Variants in RAPGEF2 observed in about 807,000 individuals in gnomAD.
RAPGEF2 encodes the protein Rap guanine nucleotide exchange factor 2.
A neutral mutation model predicts 186.7 loss-of-function variants in RAPGEF2; 54 were observed. The ratio of observed to expected loss-of-function variants is 0.29; its 90% CI spans 0.23 to 0.36. RAPGEF2 has a LOEUF of 0.36. Ranked by LOEUF, RAPGEF2 falls within the 10% of genes least tolerant of loss-of-function variation. The probability of loss-of-function intolerance (pLI) is 1.00; values close to 1 mark genes in which losing one functional copy is unlikely to be tolerated. For synonymous variants in RAPGEF2, 712 were observed against 705.9 expected, an observed-to-expected ratio of 1.01 and a Z score of -0.14; for missense variants, 1,532 against 2,045.0, an observed-to-expected ratio of 0.75 and a Z score of 4.84.
intron 7 of RAPGEF2, among the ~76,000 whole-genome samples, chr4:159,297,246 C>T (rs1762135837): frequency 6.6e-6 from 1 of 152,144 alleles, no homozygotes; most frequent in African/African-American, 2.4e-5. Flanking sequence ...TTCCCCCAAC[C>T]CCCAAAAAAA....
chr4:159,348,568 G>A (rs76132174), intron 25 of RAPGEF2, among the ~76,000 whole-genome samples: 4,301 of 152,188 alleles, frequency 0.028, 88 homozygotes, highest in Non-Finnish European at 0.046. Flanking sequence ...ATTGAATTAT[G>A]TGTTTCTTTA....
intron 1 of RAPGEF2, among the ~76,000 whole-genome samples, chr4:159,123,270 C>T (rs1199472875): frequency 1.3e-5 from 2 of 152,200 alleles, no homozygotes; most frequent in African/African-American, 4.8e-5. Flanking sequence ...ATTAAATTTA[C>T]TCACTGAGTG....
At chr4:159,351,147 C>G in intron 26 of RAPGEF2, 2 of 1,535,466 alleles carry the variant, frequency 1.3e-6, no homozygotes, top group South Asian at 1.2e-5. Flanking sequence ...AGAACAGTAA[C>G]AAGAATAACA....
chr4:159,171,153 G>C (rs28491960), intron 1 of RAPGEF2, among the ~76,000 whole-genome samples: 1 of 152,108 alleles, frequency 6.6e-6, no homozygotes, highest in Non-Finnish European at 1.5e-5. Flanking sequence ...CTAAAATGCT[G>C]TTTTGAGTAT....
intron 3 of RAPGEF2, among the ~76,000 whole-genome samples, chr4:159,201,424 G>A (rs1158791035): frequency 6.6e-6 from 1 of 152,172 alleles, no homozygotes; most frequent in Non-Finnish European, 1.5e-5. Flanking sequence ...GTTGAAAGAG[G>A]TTTGGACGCC....
At chr4:159,229,749 C>G (rs902307724) in intron 4 of RAPGEF2, among the ~76,000 whole-genome samples, 1 of 152,072 alleles carries the variant, frequency 6.6e-6, no homozygotes, top group Non-Finnish European at 1.5e-5. Context: ...ATAAAAACTT[C>G]AGCAAAAAAT....
intron 1 of RAPGEF2, among the ~76,000 whole-genome samples, chr4:159,184,752 T>C (rs1747386876): frequency 6.6e-6 from 1 of 152,220 alleles, no homozygotes; most frequent in Admixed American, 6.5e-5. Context: ...TTTAATTAGA[T>C]CCCATTTGTC....
intron 8 of RAPGEF2, among the ~76,000 whole-genome samples, chr4:159,306,039 C>A (rs1763247719): frequency 6.6e-6 from 1 of 152,036 alleles, no homozygotes; most frequent in African/African-American, 2.4e-5. Flanking sequence ...ATACCAGTAT[C>A]ATGCTGTTTT....
At chr4:159,324,939 CTAAT>C (rs35234008) in intron 11 of RAPGEF2, among the ~76,000 whole-genome samples, 59,193 of 151,596 alleles carry the variant, frequency 0.39, 12,135 homozygotes, top group Non-Finnish European at 0.47. Flanking sequence ...GTGACTTAAA[CTAAT>C]TGTCAGTTGT....
intron 1 of RAPGEF2, among the ~76,000 whole-genome samples, chr4:159,165,223 A>T (rs1265524114): frequency 1.3e-5 from 2 of 152,186 alleles, no homozygotes; most frequent in Non-Finnish European, 2.9e-5. Context: ...GATATTAATT[A>T]AATGATGACT....
chr4:159,163,859 T>C (rs1043362361), intron 1 of RAPGEF2, among the ~76,000 whole-genome samples: 1 of 152,178 alleles, frequency 6.6e-6, no homozygotes, highest in Non-Finnish European at 1.5e-5. Context: ...GGGGTCTGTC[T>C]AGATGAGTGT....
At chr4:159,283,190 A>G (rs1346294832) in intron 7 of RAPGEF2, among the ~76,000 whole-genome samples, 1 of 152,290 alleles carries the variant, frequency 6.6e-6, no homozygotes, top group East Asian at 1.9e-4. Context: ...GGTTAATGAT[A>G]TACATAGTAC....
chr4:159,117,383 C>T (rs1003437987), intron 1 of RAPGEF2, among the ~76,000 whole-genome samples: 1 of 152,094 alleles, frequency 6.6e-6, no homozygotes, highest in Non-Finnish European at 1.5e-5. Flanking sequence ...GTTCTTTATT[C>T]CCATATGTGG....
intron 4 of RAPGEF2, among the ~76,000 whole-genome samples, chr4:159,226,377 C>A (rs1752035091): frequency 6.6e-6 from 1 of 152,174 alleles, no homozygotes; most frequent in Non-Finnish European, 1.5e-5. Context: ...AGTTCTTCCA[C>A]CAATACCACA....
chr4:159,104,503 AGAGAGAGAGAGAGAGAGAGAGAGG>A (rs1737579791), intron 1 of RAPGEF2, among the ~76,000 whole-genome samples: 2 of 124,344 alleles, frequency 1.6e-5, no homozygotes, highest in Non-Finnish European at 3.3e-5. Context: ...AGAGAGAGAG[AGAGAGAGAGAGAGAGAGAGAGAGG>A]GAGAGACAGA....
At chr4:159,251,278 C>A (rs1028353737) in intron 7 of RAPGEF2, among the ~76,000 whole-genome samples, 1 of 152,250 alleles carries the variant, frequency 6.6e-6, no homozygotes, top group African/African-American at 2.4e-5. Context: ...TGCTCTGCAG[C>A]GCCTGGTCCC....
intron 3 of RAPGEF2, among the ~76,000 whole-genome samples, chr4:159,198,248 C>T (rs1193875742): frequency 1.7e-5 from 2 of 115,284 alleles, no homozygotes; most frequent in African/African-American, 7.0e-5. Context: ...TTCTTTCTTC[C>T]TTTCTTTCTT....
At chr4:159,329,216 G>A (rs1766335677) in intron 11 of RAPGEF2, 2 of 151,820 alleles carry the variant, frequency 1.3e-5, no homozygotes, top group African/African-American at 2.4e-5. Context: ...TTTATATTTG[G>A]GGTCAGGGAG....
chr4:159,350,902 G>A (rs931674606), intron 26 of RAPGEF2, among the ~76,000 whole-genome samples: 1 of 152,230 alleles, frequency 6.6e-6, no homozygotes, highest in Non-Finnish European at 1.5e-5. Flanking sequence ...CTAAAGGAAA[G>A]CCAAAAGGGC....
Sources: gnomAD v4.1 joint callset for allele counts (sites outside exome capture counted in the v4.1 genomes callset) on GRCh38, gnomAD v4.1.1 for gene constraint, MANE v1.5 for transcripts, NCBI Gene and HGNC (gene_info 2026-07-23, HGNC 2026-07-21) for gene names.